PRICKLE2: variants seen among roughly 807,000 people sequenced by gnomAD.
PRICKLE2 encodes prickle planar cell polarity protein 2.
Under a neutral mutation model 81.4 loss-of-function variants are expected in PRICKLE2, and 21 were observed. The ratio of observed to expected loss-of-function variants is 0.26; its 90% CI spans 0.18 to 0.37. PRICKLE2 has a LOEUF of 0.37. Among genes scored for constraint, PRICKLE2 ranks in the 10% least tolerant of loss-of-function variants. The probability of loss-of-function intolerance (pLI) is 1.00; values close to 1 mark genes in which losing one functional copy is unlikely to be tolerated. For synonymous variants in PRICKLE2, 456 were observed against 421.5 expected (o/e 1.08, Z -1.00); for missense variants, 940 against 1,109.0 (o/e 0.85, Z 2.16).
chr3:64,201,723 G>A (rs1326401111), intron 1 of PRICKLE2, among the ~76,000 whole-genome samples: 1 of 152,028 alleles, frequency 6.6e-6, no homozygotes, highest in African/African-American at 2.4e-5. Context: ...CATCTGTTGA[G>A]CACAAAAGTT....
intron 2 of PRICKLE2, among the ~76,000 whole-genome samples, chr3:64,240,537 G>T (rs2079248781): frequency 6.6e-6 from 1 of 152,190 alleles, no homozygotes; most frequent in Admixed American, 6.5e-5. Context: ...CCCTGTGTGG[G>T]CTATGAAATG....
intron 2 of PRICKLE2, chr3:64,182,795 A>G (rs540696604): frequency 6.6e-6 from 1 of 152,312 alleles, no homozygotes; most frequent in African/African-American, 2.4e-5. Flanking sequence ...CTGGATGTTA[A>G]GAAATGGCGA....
At chr3:64,100,024 T>C (rs2076631201) in intron 7 of PRICKLE2, 99 bp from the exon 8 acceptor site, 7 of 1,353,248 alleles carry the variant, frequency 5.2e-6, no homozygotes, top group South Asian at 4.9e-5. Flanking sequence ...TTATATACCG[T>C]TGTGAAGTTG....
rs181650002 is a variant in PRICKLE2 at position 64,113,124 on chromosome 3, C to T, written c.1661-13199G>A. ...TAGAAGGAGGGGGACCCCTTGACCA[C>T]CATGGACACTTGAGGTGGCAGGGAG... On this transcript the variant is annotated intron_variant, in intron 7 of 7. Coordinates refer to ENST00000638394, the MANE Select transcript of PRICKLE2 (RefSeq NM_198859.4). Among the ~76,000 whole-genome samples, 10 of 152,296 alleles carry T rather than the reference C, an allele frequency of 6.6e-5. No individual in the cohort carries two copies. The East Asian group carries it at 9.7e-4, about 15-fold the overall frequency.
rs1042849107 is a variant in PRICKLE2 at position 64,098,939 on chromosome 3, C to A, written c.*112G>T. On this transcript the variant is annotated 3_prime_UTR_variant, in exon 8 of 8. Transcript: ENST00000638394. ...CCTCCATCTACTGACAGCATTTTCC[C>A]TTTTCTCCCCCATAAGCCACCCCCA... 199 of 1,291,644 alleles carry A rather than the reference C, an allele frequency of 1.5e-4. No individual in the cohort carries two copies. The highest frequency in any genetic ancestry group is 2.0e-4 in the Non-Finnish European group (179 of 893,508). The allele number at this position is 1,291,644 out of a possible 1,614,324, so 80.0% of individuals were successfully genotyped here. A position where few individuals can be genotyped will look rare whatever the true frequency, so the allele number is the denominator to read the frequency against.
Position 64,201,888 on chromosome 3 carries a change from A to G in PRICKLE2, c.-40-2921T>C, listed in dbSNP as rs558465912. Among the ~76,000 whole-genome samples, 255 of 152,230 alleles carry G rather than the reference A, an allele frequency of 1.7e-3. 2 individuals carry two copies. The highest frequency in any genetic ancestry group is 5.9e-3 in the African/African-American group (247 of 41,548). ...GGCTTTGGCTCTTACATTTAGGTCT[A>G]TGGTCCATTTTGAGTTAATTTTTGT... On this transcript the variant is annotated intron_variant, in intron 1 of 7. Transcript: ENST00000638394.
intron 1 of PRICKLE2, among the ~76,000 whole-genome samples, chr3:64,218,097 A>G (rs2107144909): frequency 6.6e-6 from 1 of 152,330 alleles, no homozygotes; most frequent in South Asian, 2.1e-4. Flanking sequence ...CAAGACGGAT[A>G]ATGAACTGGG....
intron 2 of PRICKLE2, 56 bp downstream of exon 2, chr3:64,198,728 C>T: frequency 1.3e-6 from 2 of 1,552,012 alleles, no homozygotes; most frequent in African/African-American, 1.4e-5. Flanking sequence ...GAGGAAGGAC[C>T]AGTAAGGCAA....
rs879041316 is a variant in PRICKLE2, at chr3:64,153,300, G to A, written c.669C>T (p.Phe223=). 1.2e-5 allele frequency: 19 copies of A among 1,614,126 alleles called. No homozygotes were observed. Among genetic ancestry groups the A allele is most frequent in the Middle Eastern group, 1.6e-4 (1 of 6,062 alleles). ...RHWHMKHFCC[F]ECETVLGGQR... ...GGCCGCCCAGCACTGTCTCACACTC[G>A]AAGCAGCAAAAGTGTTTCATGTGCC... The change falls in exon 6 of 8, where the codon TTC becomes TTT. Residue 223 remains phenylalanine (F), a synonymous_variant. Transcript: ENST00000638394.
intron 2 of PRICKLE2, among the ~76,000 whole-genome samples, chr3:64,260,703 C>A (rs1365383419): frequency 6.6e-6 from 1 of 152,168 alleles, no homozygotes; most frequent in East Asian, 1.9e-4. Context: ...GAATACGCAA[C>A]CCTTTGCTCT....
intron 3 of PRICKLE2, among the ~76,000 whole-genome samples, chr3:64,162,275 T>C (rs2077747957): frequency 6.6e-6 from 1 of 152,174 alleles, no homozygotes; most frequent in Non-Finnish European, 1.5e-5. Flanking sequence ...TCCATAGGAT[T>C]ACTATTTTGA....
At chr3:64,208,983 C>T (rs1320173479) in intron 1 of PRICKLE2, among the ~76,000 whole-genome samples, 1 of 152,000 alleles carries the variant, frequency 6.6e-6, no homozygotes, top group African/African-American at 2.4e-5. Context: ...CATCCATCCA[C>T]CCATCTATCT....
At chr3:64,199,090 G>T in intron 1 of PRICKLE2, 123 bp from the exon 2 acceptor site, 1 of 848,904 alleles carries the variant, frequency 1.2e-6, no homozygotes, top group South Asian at 1.5e-5. Flanking sequence ...TGGGCATCGG[G>T]CAAAGGCATC....
rs202227218 is a variant in PRICKLE2, at chr3:64,126,838, AG to A, written c.1660+19991del. 5.7e-3 allele frequency among the ~76,000 whole-genome samples: 869 copies of A among 152,228 alleles called. 3 individuals are homozygous for A. The highest frequency in any genetic ancestry group is 0.019 in the African/African-American group (780 of 41,536). ...TGATCTGCCCGCCTCGGCCTCCCAA[AG>A]TGCTGAGATTACAGGTGTGAGCCAC... On this transcript the variant is annotated intron_variant, in intron 7 of 7. Transcript: ENST00000638394.
Position 64,094,251 on chromosome 3 carries a change from T to C in PRICKLE2, c.*4800A>G, listed in dbSNP as rs2106928545. On this transcript the variant is annotated 3_prime_UTR_variant, in exon 8 of 8. Coordinates refer to ENST00000638394, the MANE Select transcript of PRICKLE2 (RefSeq NM_198859.4). ...CCTTACAATGTTAAGTCAGGGTCTA[T>C]GACAGAATCATGACACTTTATGGAA... 6.6e-6 allele frequency: 1 copy of C among 152,340 alleles called. No homozygotes were observed. The allele number at this position is 152,340 out of a possible 1,614,324, so 9.4% of individuals were successfully genotyped here.
At chr3:64,110,984 A>G (rs1418465243) in intron 7 of PRICKLE2, among the ~76,000 whole-genome samples, 2 of 146,326 alleles carry the variant, frequency 1.4e-5, no homozygotes, top group Admixed American at 6.9e-5. Context: ...AAAAAAAAAA[A>G]GTGTCTTTCA....
intron 7 of PRICKLE2, among the ~76,000 whole-genome samples, chr3:64,105,320 T>C (rs1036953635): frequency 6.6e-5 from 10 of 152,228 alleles, no homozygotes; most frequent in Admixed American, 1.3e-4. Context: ...ATATGTAAGT[T>C]TGTAGCTGAA....
intron 7 of PRICKLE2, among the ~76,000 whole-genome samples, chr3:64,142,501 G>T (rs959451348): frequency 2.6e-5 from 4 of 151,930 alleles, no homozygotes; most frequent in African/African-American, 9.7e-5. Flanking sequence ...AGTAGAGACG[G>T]GGTTTTGCCA....
At chr3:64,176,820 T>G (rs1008222898) in intron 2 of PRICKLE2, among the ~76,000 whole-genome samples, 2 of 152,232 alleles carry the variant, frequency 1.3e-5, no homozygotes, top group African/African-American at 4.8e-5. Flanking sequence ...CCTTGCCCAC[T>G]AAGTTTCAAA....
Sources: allele counts gnomAD v4.1 joint callset (sites outside exome capture counted in the v4.1 genomes callset), GRCh38; gene constraint gnomAD v4.1.1; transcripts MANE v1.5; gene names NCBI Gene and HGNC (gene_info 2026-07-23, HGNC 2026-07-21).